Variants in MEAK7 observed in about 807,000 individuals in gnomAD.
The protein encoded by MEAK7 is MTOR associated protein MEAK7.
Under a neutral mutation model 40.5 loss-of-function variants are expected in MEAK7, and 68 were observed. That is an observed-to-expected ratio of 1.68 (90% confidence interval 1.38 to 2.06). The LOEUF is 2.06. Ranked by LOEUF, MEAK7 falls within the 30% of genes most tolerant of loss-of-function variation. MEAK7 has a pLI of 0.00. For missense variants in MEAK7, 918 were observed against 580.5 expected, an observed-to-expected ratio of 1.58 and a Z score of -5.98; for synonymous variants, 338 against 231.9, an observed-to-expected ratio of 1.46 and a Z score of -4.16.
At chr16:84,493,345 G>A (rs745807759) in intron 3 of MEAK7, among the ~76,000 whole-genome samples, 33 of 152,030 alleles carry the variant, frequency 2.2e-4, no homozygotes, top group Non-Finnish European at 2.9e-4. Context: ...CTTAAATATC[G>A]GTTCCGATAA....
chr16:84,496,491 G>A (rs527366508), intron 2 of MEAK7, among the ~76,000 whole-genome samples: 11 of 152,080 alleles, frequency 7.2e-5, no homozygotes, highest in African/African-American at 2.7e-4. Context: ...TAAACTCTCC[G>A]CTCCTTAAAG....
At chr16:84,487,181 G>C (rs1913164094) in intron 4 of MEAK7, 122 bp from the exon 5 acceptor site, 1 of 926,608 alleles carries the variant, frequency 1.1e-6, no homozygotes. Flanking sequence ...ACAGAAAACA[G>C]GGCTCGTGTG....
chr16:84,491,943 T>C (rs1293811672), intron 3 of MEAK7, among the ~76,000 whole-genome samples: 1 of 152,210 alleles, frequency 6.6e-6, no homozygotes, highest in Non-Finnish European at 1.5e-5. Context: ...CCTTTTGCTG[T>C]TAAGTTACAG....
chr16:84,487,262 A>G (rs1260063241), intron 4 of MEAK7: 5 of 519,786 alleles, frequency 9.6e-6, no homozygotes, highest in Non-Finnish European at 1.7e-5. Context: ...AGAATGTAAA[A>G]TATCTCAATT....
chr16:84,497,499 C>T (rs1443133788), intron 2 of MEAK7: 1 of 1,290,452 alleles, frequency 7.7e-7, no homozygotes, highest in East Asian at 5.5e-5. Context: ...ATCACCGCGT[C>T]TGTCTCCCCA....
At position 84,478,026 on chromosome 16, in the gene MEAK7, G is replaced by GC. The variant is rs1419066717; in HGVS notation, c.*1886dup. On this transcript the variant is annotated 3_prime_UTR_variant, in exon 8 of 8. Coordinates refer to ENST00000343629, the MANE Select transcript of MEAK7 (RefSeq NM_020947.4). The stretch of plus-strand genomic sequence containing the variant: ...GAAGCAGCAATCAATGGTCACCAAG[G>GC]CACAGACACTGACGGACATTTAATT... The GC allele has an allele frequency of 6.7e-6, 1 of 149,486 alleles. No homozygotes were observed. The highest frequency in any genetic ancestry group is 1.5e-5 in the Non-Finnish European group (1 of 67,376). The allele number at this position is 149,486 out of a possible 1,614,324, so 9.3% of individuals were successfully genotyped here.
intron 3 of MEAK7, among the ~76,000 whole-genome samples, chr16:84,493,451 G>A (rs1314606782): frequency 1.3e-5 from 2 of 152,222 alleles, no homozygotes; most frequent in Non-Finnish European, 2.9e-5. Flanking sequence ...TATCAAGCAA[G>A]CAAGAAGTTA....
In MEAK7 at chr16:84,477,855, CA is replaced by C. The variant is rs1216694253; in HGVS notation, c.*2057del. On this transcript the variant is annotated 3_prime_UTR_variant, in exon 8 of 8. Transcript: ENST00000343629. Reference sequence around the variant, plus strand: ...AGCCCACAGAGAGAGCTGCATCCCCCAGGCTCCCAAGCCCGGGCCAGTGACC... The same window carrying C: ...AGCCCACAGAGAGAGCTGCATCCCCCGGCTCCCAAGCCCGGGCCAGTGACC... The C allele has an allele frequency of 6.6e-6, 1 of 152,204 alleles. No individual in the cohort carries two copies. Among genetic ancestry groups the C allele is most frequent in the Non-Finnish European group, 1.5e-5 (1 of 68,104 alleles). The allele number at this position is 152,204 out of a possible 1,614,324, so 9.4% of individuals were successfully genotyped here.
Position 84,487,210 on chromosome 16 carries a change from G to C in MEAK7, c.530-151C>G, listed in dbSNP as rs547804402. On this transcript the variant is annotated intron_variant, in intron 4 of 7. Coordinates refer to ENST00000343629, the MANE Select transcript of MEAK7 (RefSeq NM_020947.4). Reference sequence around the variant, plus strand: ...TCGTGTGAATTGAGAGGTGCCGTCAGTGTAAAAGGCACACTTGATTTCAAA... The same window carrying C: ...TCGTGTGAATTGAGAGGTGCCGTCACTGTAAAAGGCACACTTGATTTCAAA... 4 of 634,064 alleles carry C rather than the reference G, an allele frequency of 6.3e-6. No homozygotes were observed. In the African/African-American group the frequency reaches 7.3e-5, roughly 12 times the overall value. 39.3% of individuals were successfully genotyped at this position (634,064 alleles called of 1,614,324 possible).
At position 84,495,871 on chromosome 16, in the gene MEAK7, G is replaced by A. The variant is rs77408911; in HGVS notation, c.196C>T (p.Leu66=). The change falls in exon 3 of 8, where the codon CTG becomes TTG. Residue 66 remains leucine, a synonymous_variant. Transcript: ENST00000343629. ...TCGACCCTCCGCATGCCATCATACA[G>A]CCTGGTGACCATCTCTGGGGGAAGA... ...EALPPEMVTR[L]YDGMRRVDLT... is the part of the protein sequence containing the mutation. 1,881 of 1,614,054 alleles carry A rather than the reference G, an allele frequency of 1.2e-3. 18 individuals are homozygous for A. In the African/African-American group the frequency reaches 0.022, roughly 19 times the overall value.
At chr16:84,497,444 GAC>G in intron 2 of MEAK7, 1 of 1,289,464 alleles carries the variant, frequency 7.8e-7, no homozygotes, top group Non-Finnish European at 1.0e-6. Context: ...CGGTGCACCT[GAC>G]ACGTCATGGT....
At chr16:84,494,697 G>T in intron 3 of MEAK7, 1 of 393,110 alleles carries the variant, frequency 2.5e-6, no homozygotes, top group Non-Finnish European at 5.0e-6. Context: ...CGGGACATGA[G>T]ACTTCACAAC....
chr16:84,476,380 A>G lies in MEAK7; in HGVS notation c.*3533T>C, dbSNP rs553738042. ...TCAGGTTAAAAAAACATATTTTAAT[A>G]CAGTTTTGCTGAAAACATGGCAAAC... On this transcript the variant is annotated 3_prime_UTR_variant, in exon 8 of 8. Coordinates refer to ENST00000343629, the MANE Select transcript of MEAK7 (RefSeq NM_020947.4). 6.6e-5 allele frequency: 10 copies of G among 152,276 alleles called. No homozygotes were observed. In the South Asian group the frequency reaches 1.4e-3, roughly 22 times the overall value. 9.4% of individuals were successfully genotyped at this position (152,276 alleles called of 1,614,324 possible).
At position 84,498,350 on chromosome 16, in the gene MEAK7, CCT is replaced by C. The variant is rs537224647; in HGVS notation, c.-25-241_-25-240del. On this transcript the variant is annotated intron_variant, in intron 1 of 7. Coordinates refer to ENST00000343629, the MANE Select transcript of MEAK7 (RefSeq NM_020947.4). ...GTGGTGCCATCACAGCTCCCTGCAGCCTCAACCTCCTGGGCTCGGGCAATCCT... is the reference window on the plus strand; with the variant it reads ...GTGGTGCCATCACAGCTCCCTGCAGCCAACCTCCTGGGCTCGGGCAATCCT... 6.6e-5 allele frequency among the ~76,000 whole-genome samples: 10 copies of C among 152,184 alleles called. 1 individual carries two copies. In the South Asian group the frequency reaches 2.1e-3, roughly 32 times the overall value.
intron 5 of MEAK7, among the ~76,000 whole-genome samples, chr16:84,484,857 G>C (rs151008450): frequency 4.6e-5 from 7 of 152,330 alleles, no homozygotes; most frequent in Admixed American, 2.6e-4. Flanking sequence ...TACTGCAACA[G>C]AATGAACTCG....
chr16:84,502,406 G>A (rs1362058752), intron 1 of MEAK7, among the ~76,000 whole-genome samples: 2 of 152,160 alleles, frequency 1.3e-5, no homozygotes, highest in Admixed American at 6.5e-5. Context: ...CGGTAGGGCT[G>A]AAGGTGAGAA....
intron 2 of MEAK7, chr16:84,497,552 A>T (rs1207404744): frequency 4.6e-6 from 6 of 1,294,040 alleles, no homozygotes; most frequent in Non-Finnish European, 6.0e-6. Flanking sequence ...CAAGAGACAC[A>T]CGAGGCAGGC....
intron 4 of MEAK7, chr16:84,487,421 A>G (rs1913187339): frequency 5.1e-6 from 1 of 195,066 alleles, no homozygotes; most frequent in Non-Finnish European, 1.1e-5. Flanking sequence ...GCACTGATCT[A>G]AACAATCCGA....
Position 84,504,621 on chromosome 16 carries a change from T to C in MEAK7, c.-46A>G. ...CCTACCCTGCCGGGCTTCCTGGTGC[T>C]GTCCGGTCCGGTCCAGCAGCCCACG... On this transcript the variant is annotated 5_prime_UTR_variant, in exon 1 of 8. Transcript: ENST00000343629. 1.0e-6 allele frequency: 1 copy of C among 985,616 alleles called. No individual in the cohort carries two copies. The highest frequency in any genetic ancestry group is 1.2e-6 in the Non-Finnish European group (1 of 830,048). The allele number at this position is 985,616 out of a possible 1,614,324, so 61.1% of individuals were successfully genotyped here.
Sources: allele counts gnomAD v4.1 joint callset (sites outside exome capture counted in the v4.1 genomes callset), GRCh38; gene constraint gnomAD v4.1.1; transcripts MANE v1.5; gene names NCBI Gene and HGNC (gene_info 2026-07-23, HGNC 2026-07-21).